The following TNIK variants were observed in gnomAD, a reference collection of about 807,000 sequenced individuals.
The protein encoded by TNIK is TRAF2 and NCK interacting kinase, also known as TRAF2 and NCK-interacting protein kinase.
Under a neutral mutation model 191.3 loss-of-function variants are expected in TNIK, and 49 were observed. The observed-to-expected ratio is 0.26, with a 90% CI of 0.20 to 0.32. The LOEUF is 0.32. Ranked by LOEUF, TNIK falls within the 10% of genes least tolerant of loss-of-function variation. The pLI is 1.00. For missense variants in TNIK, 1,155 were observed against 1,702.3 expected, an observed-to-expected ratio of 0.68 and a Z score of 5.66; for synonymous variants, 594 against 600.9, an observed-to-expected ratio of 0.99 and a Z score of 0.17.
chr3:171,107,648 C>A (rs1401829889), intron 20 of TNIK, among the ~76,000 whole-genome samples: 1 of 152,034 alleles, frequency 6.6e-6, no homozygotes, highest in Admixed American at 6.6e-5. Flanking sequence ...GTCCTGGAGG[C>A]ATGAAAAATA....
intron 2 of TNIK, among the ~76,000 whole-genome samples, chr3:171,258,123 A>G (rs1194745534): frequency 6.6e-6 from 1 of 152,138 alleles, no homozygotes; most frequent in Non-Finnish European, 1.5e-5. Context: ...TGAAAAGCGT[A>G]TGTGTCATCT....
intron 9 of TNIK, among the ~76,000 whole-genome samples, chr3:171,170,094 T>C (rs182170631): frequency 1.4e-4 from 22 of 152,258 alleles, no homozygotes; most frequent in African/African-American, 5.3e-4. Flanking sequence ...GAGTTTAAAG[T>C]ACATTTATAT....
chr3:171,381,785 G>C (rs1041898017), intron 1 of TNIK, among the ~76,000 whole-genome samples: 1 of 152,230 alleles, frequency 6.6e-6, no homozygotes, highest in Non-Finnish European at 1.5e-5. Context: ...ACTTAGCTGG[G>C]AGAAGGGTTC....
At chr3:171,284,583 A>G (rs1016370219) in intron 2 of TNIK, among the ~76,000 whole-genome samples, 2 of 150,920 alleles carry the variant, frequency 1.3e-5, no homozygotes, top group Non-Finnish European at 1.5e-5. Flanking sequence ...CCGTCATTGC[A>G]TTTCTTAATA....
At chr3:171,285,237 TAATA>T (rs1026351915) in intron 2 of TNIK, among the ~76,000 whole-genome samples, 21 of 152,240 alleles carry the variant, frequency 1.4e-4, no homozygotes, top group Non-Finnish European at 7.3e-5. Context: ...TATAAATTGT[TAATA>T]AATAAATAAA....
chr3:171,180,360 C>G (rs1056160374), intron 7 of TNIK, among the ~76,000 whole-genome samples: 1 of 152,152 alleles, frequency 6.6e-6, no homozygotes, highest in Non-Finnish European at 1.5e-5. Context: ...ATTTGTCCCC[C>G]ACAGAACTAA....
chr3:171,308,846 T>TG (rs1477825343), intron 2 of TNIK, among the ~76,000 whole-genome samples: 2 of 151,058 alleles, frequency 1.3e-5, no homozygotes, highest in African/African-American at 4.9e-5. Context: ...AAAACCACAA[T>TG]GAAATACCAT....
At chr3:171,116,886 TAGG>T (rs1443534719) in intron 18 of TNIK, among the ~76,000 whole-genome samples, 1 of 152,200 alleles carries the variant, frequency 6.6e-6, no homozygotes, top group Non-Finnish European at 1.5e-5. Flanking sequence ...ATGAGGCATT[TAGG>T]AGTTTACATA....
At chr3:171,332,651 AACT>A (rs879732291) in intron 2 of TNIK, among the ~76,000 whole-genome samples, 33 of 152,206 alleles carry the variant, frequency 2.2e-4, no homozygotes, top group Admixed American at 1.2e-3. Context: ...TCTGCCAGCC[AACT>A]ACCTCCTGAT....
intron 2 of TNIK, among the ~76,000 whole-genome samples, chr3:171,324,646 A>G (rs1288775166): frequency 6.6e-6 from 1 of 152,134 alleles, no homozygotes; most frequent in Non-Finnish European, 1.5e-5. Flanking sequence ...TATTCACCAA[A>G]TACAAAAAAC....
intron 1 of TNIK, among the ~76,000 whole-genome samples, chr3:171,438,982 G>C (rs971564878): frequency 1.5e-4 from 23 of 152,146 alleles, no homozygotes; most frequent in African/African-American, 5.6e-4. Flanking sequence ...TCTACCATTA[G>C]AAAAGCATTC....
At chr3:171,292,775 C>CA (rs59314303) in intron 2 of TNIK, among the ~76,000 whole-genome samples, 2,368 of 84,942 alleles carry the variant, frequency 0.028, 75 homozygotes, top group Admixed American at 0.038. Flanking sequence ...GACTCCATCT[C>CA]AAAAAAAAAA....
intron 9 of TNIK, among the ~76,000 whole-genome samples, chr3:171,169,273 ATT>A (rs869061202): frequency 2.8e-5 from 4 of 145,304 alleles, no homozygotes; most frequent in African/African-American, 7.5e-5. Flanking sequence ...TATTATCATT[ATT>A]TTTTTTTTTT....
At chr3:171,105,433 A>G (rs1240327620) in intron 21 of TNIK, among the ~76,000 whole-genome samples, 2 of 152,160 alleles carry the variant, frequency 1.3e-5, no homozygotes, top group Non-Finnish European at 2.9e-5. Context: ...AATGTCTCCT[A>G]AGGGAAGAGG....
At chr3:171,075,725 T>TC (rs1560075203) in intron 28 of TNIK, among the ~76,000 whole-genome samples, 1 of 151,904 alleles carries the variant, frequency 6.6e-6, no homozygotes, top group African/African-American at 2.4e-5. Context: ...TTTTTTTTTT[T>TC]CCAAAAGCTG....
intron 10 of TNIK, among the ~76,000 whole-genome samples, chr3:171,164,894 T>C (rs1734421378): frequency 6.6e-6 from 1 of 152,224 alleles, no homozygotes; most frequent in Non-Finnish European, 1.5e-5. Flanking sequence ...TGACATCTTA[T>C]TAACTGCAGA....
chr3:171,256,158 G>A (rs370075860), intron 2 of TNIK, among the ~76,000 whole-genome samples: 19 of 151,956 alleles, frequency 1.3e-4, no homozygotes, highest in African/African-American at 1.7e-4. Flanking sequence ...CTGTTGTTTC[G>A]GGGTTTTTCC....
chr3:171,075,761 G>T (rs1291764082), intron 28 of TNIK, among the ~76,000 whole-genome samples: 2 of 150,580 alleles, frequency 1.3e-5, no homozygotes, highest in Non-Finnish European at 3.0e-5. Flanking sequence ...CTTTGAGATG[G>T]AGTCTCGTAC....
intron 1 of TNIK, among the ~76,000 whole-genome samples, chr3:171,400,850 T>G (rs1720866333): frequency 6.6e-6 from 1 of 152,296 alleles, no homozygotes; most frequent in Admixed American, 6.5e-5. Context: ...AAAGCGTCCT[T>G]CGGATTTGGC....
Sources: gnomAD v4.1 joint callset for allele counts (sites outside exome capture counted in the v4.1 genomes callset) on GRCh38, gnomAD v4.1.1 for gene constraint, MANE v1.5 for transcripts, NCBI Gene and HGNC (gene_info 2026-07-23, HGNC 2026-07-21) for gene names.